RNF6: variants seen among roughly 807,000 people sequenced by gnomAD.
RNF6 encodes the protein ring finger protein 6, also known as E3 ubiquitin-protein ligase RNF6.
A neutral mutation model predicts 50.1 loss-of-function variants in RNF6; 21 were observed. That is an observed-to-expected ratio of 0.42 (90% CI 0.30 to 0.60). The LOEUF (loss-of-function observed/expected upper bound fraction) is 0.60. Ranked by LOEUF, RNF6 falls within the 20% of genes least tolerant of loss-of-function variation. The pLI, the probability that RNF6 is intolerant of heterozygous loss-of-function variation, is 0.20. For missense variants in RNF6, 698 were observed against 838.2 expected (o/e 0.83, Z 2.07); for synonymous variants, 255 against 291.8 (o/e 0.87, Z 1.29).
chr13:26,148,239 C>G (rs1377321726), intron 5 of RNF6, among the ~76,000 whole-genome samples: 1 of 152,060 alleles, frequency 6.6e-6, no homozygotes, highest in Non-Finnish European at 1.5e-5. Context: ...AAACTGCCCC[C>G]ATGATCCAAT....
intron 5 of RNF6, among the ~76,000 whole-genome samples, chr13:26,182,218 G>T (rs752633153): frequency 5.3e-5 from 8 of 152,184 alleles, no homozygotes; most frequent in Non-Finnish European, 8.8e-5. Flanking sequence ...CAAATAGCAT[G>T]GATTGAAATG....
intron 5 of RNF6, among the ~76,000 whole-genome samples, chr13:26,193,696 G>A (rs117949812): frequency 0.025 from 3,741 of 152,308 alleles, 56 homozygotes; most frequent in Middle Eastern, 0.071. Context: ...AAATACCCTT[G>A]CATACTGAAG....
intron 5 of RNF6, among the ~76,000 whole-genome samples, chr13:26,164,986 G>C (rs1472922117): frequency 6.6e-6 from 1 of 152,178 alleles, no homozygotes; most frequent in African/African-American, 2.4e-5. Flanking sequence ...TAATCCCCAA[G>C]ACAATGGGGA....
Position 26,214,612 on chromosome 13 carries a change from T to C in RNF6, c.1270A>G (p.Arg424Gly). Residue 424 changes from arginine (R) to glycine (G), a missense_variant, in exon 5 of 5, where the codon AGA (arginine) becomes GGA (glycine). Physicochemically the swap from Arg to Gly is moderately radical, Grantham distance 125. Coordinates refer to ENST00000381588, the MANE Select transcript of RNF6 (RefSeq NM_005977.4). Reference protein sequence around the residue: ...RDSIANRTRSRVGLAENTVTI... With the variant: ...RDSIANRTRSGVGLAENTVTI... ...ACTGTATTTTCTGCTAGCCCTACTC[T>C]GGATCGAGTTCTATTTGCAATACTA... is the stretch of plus-strand genomic sequence containing the variant. The C allele has an allele frequency of 6.2e-7, 1 of 1,614,210 alleles. No homozygotes were observed. The highest frequency in any genetic ancestry group is 8.5e-7 in the Non-Finnish European group (1 of 1,180,038).
At chr13:26,191,272 T>C (rs1167498594) in intron 5 of RNF6, among the ~76,000 whole-genome samples, 1 of 151,598 alleles carries the variant, frequency 6.6e-6, no homozygotes, top group Non-Finnish European at 1.5e-5. Flanking sequence ...ATGGATTAAA[T>C]ATATCTAAAT....
chr13:26,146,191 A>G (rs1871233373), intron 5 of RNF6, among the ~76,000 whole-genome samples: 1 of 152,228 alleles, frequency 6.6e-6, no homozygotes, highest in South Asian at 2.1e-4. Flanking sequence ...GAGAAGTGTT[A>G]ACAGTATGAA....
intron 5 of RNF6, among the ~76,000 whole-genome samples, chr13:26,202,817 G>A (rs944359040): frequency 1.3e-5 from 2 of 152,176 alleles, no homozygotes; most frequent in Non-Finnish European, 2.9e-5. Flanking sequence ...ATGAACAAAA[G>A]TACCTCAAGG....
Position 26,175,319 on chromosome 13 carries a change from G to A in RNF6, n.768+40155C>T, listed in dbSNP as rs1872902961. 2.0e-5 allele frequency among the ~76,000 whole-genome samples: 3 copies of A among 152,184 alleles called. No individual in the cohort carries two copies. The South Asian group carries it at 6.2e-4, about 32-fold the overall frequency. ...TGGTCTCAAACTCCTGGCCTCATGT[G>A]ATCTGCCTGCCTCGGGCCCCCAAAG... On this transcript the variant is annotated intron_variant and non_coding_transcript_variant, in intron 5 of 5. Coordinates refer to the RNF6 transcript ENST00000468480.
intron 5 of RNF6, among the ~76,000 whole-genome samples, chr13:26,195,247 C>T (rs1312282228): frequency 3.3e-5 from 4 of 122,784 alleles, no homozygotes; most frequent in African/African-American, 1.2e-4. Flanking sequence ...AAAATACTAA[C>T]ACAAATCAAG....
intron 5 of RNF6, among the ~76,000 whole-genome samples, chr13:26,147,520 G>T (rs1389974127): frequency 2.0e-5 from 3 of 152,174 alleles, no homozygotes; most frequent in African/African-American, 7.2e-5. Flanking sequence ...GCTTCTATGA[G>T]GTAGGGGTGG....
chr13:26,151,458 T>A (rs1871584943), intron 5 of RNF6, among the ~76,000 whole-genome samples: 1 of 152,146 alleles, frequency 6.6e-6, no homozygotes, highest in Admixed American at 6.5e-5. Flanking sequence ...AGACAGGGTT[T>A]TTCCATGTTG....
intron 5 of RNF6, among the ~76,000 whole-genome samples, chr13:26,141,141 T>A (rs1357704945): frequency 6.6e-6 from 1 of 152,120 alleles, no homozygotes; most frequent in East Asian, 1.9e-4. Flanking sequence ...AAAATTCATA[T>A]GGAACCAAAG....
chr13:26,184,010 ATATATATATTTTTTTTTT>A (rs1362074619), intron 5 of RNF6, among the ~76,000 whole-genome samples: 499 of 39,084 alleles, frequency 0.013, 1 homozygote, highest in Middle Eastern at 0.022. Flanking sequence ...ATATATATAT[ATATATATATTTTTTTTTT>A]TTTTTTTTTT....
chr13:26,175,785 G>A (rs1276100318), intron 5 of RNF6, among the ~76,000 whole-genome samples: 1 of 152,160 alleles, frequency 6.6e-6, no homozygotes, highest in Non-Finnish European at 1.5e-5. Flanking sequence ...CCAAGTCATA[G>A]CAAGATGCAA....
At chr13:26,191,955 G>A (rs1246682482) in intron 5 of RNF6, among the ~76,000 whole-genome samples, 2 of 152,170 alleles carry the variant, frequency 1.3e-5, no homozygotes, top group African/African-American at 4.8e-5. Context: ...ATGGAGGGAG[G>A]ATTTTCTAGG....
At chr13:26,184,921 T>C (rs1873445768) in intron 5 of RNF6, among the ~76,000 whole-genome samples, 1 of 152,184 alleles carries the variant, frequency 6.6e-6, no homozygotes, top group Admixed American at 6.5e-5. Flanking sequence ...ACAAACTGTC[T>C]ACCTAGTGAG....
chr13:26,146,478 C>T (rs1019351126), intron 5 of RNF6, among the ~76,000 whole-genome samples: 10 of 152,190 alleles, frequency 6.6e-5, no homozygotes, highest in East Asian at 3.8e-4. Context: ...GATCACAGAA[C>T]GCTTTAAGGA....
chr13:26,149,554 T>C (rs1871443398), intron 5 of RNF6, among the ~76,000 whole-genome samples: 2 of 150,736 alleles, frequency 1.3e-5, no homozygotes, highest in Non-Finnish European at 3.0e-5. Context: ...GCCACTGCAC[T>C]CCAGCCTGGG....
intron 5 of RNF6, among the ~76,000 whole-genome samples, chr13:26,205,770 T>G (rs962951452): frequency 1.3e-5 from 2 of 152,326 alleles, no homozygotes; most frequent in South Asian, 4.1e-4. Context: ...TCCCAGCACT[T>G]TCAGAGGCCA....
Sources: allele counts gnomAD v4.1 joint callset (sites outside exome capture counted in the v4.1 genomes callset), GRCh38; gene constraint gnomAD v4.1.1; transcripts MANE v1.5; gene names NCBI Gene and HGNC (gene_info 2026-07-23, HGNC 2026-07-21).